Variants in WWP2 observed in about 807,000 individuals in gnomAD.
WWP2 encodes WW domain containing E3 ubiquitin protein ligase 2, also known as NEDD4-like E3 ubiquitin-protein ligase WWP2.
A neutral mutation model predicts 121.0 loss-of-function variants in WWP2; 57 were observed. The observed-to-expected ratio is 0.47, with a 90% CI of 0.38 to 0.59. The LOEUF is 0.59. WWP2 is among the 20% of genes least tolerant of loss of function. The pLI is 0.00. For missense variants in WWP2, 962 were observed against 1,158.9 expected, an observed-to-expected ratio of 0.83 and a Z score of 2.47; for synonymous variants, 449 against 441.3, an observed-to-expected ratio of 1.02 and a Z score of -0.22.
chr16:69,876,740 G>T (rs986332101), intron 7 of WWP2, among the ~76,000 whole-genome samples: 2 of 152,228 alleles, frequency 1.3e-5, no homozygotes, highest in Non-Finnish European at 2.9e-5. Context: ...CATGGATGTT[G>T]TGTTAGCGGG....
intron 9 of WWP2, among the ~76,000 whole-genome samples, chr16:69,912,525 C>T (rs956131686): frequency 6.6e-6 from 1 of 151,880 alleles, no homozygotes; most frequent in Non-Finnish European, 1.5e-5. Context: ...AGATTAAATG[C>T]GGATGCTATC....
At chr16:69,863,150 C>T (rs1279212390) in intron 6 of WWP2, among the ~76,000 whole-genome samples, 1 of 152,182 alleles carries the variant, frequency 6.6e-6, no homozygotes, top group Non-Finnish European at 1.5e-5. Context: ...CATCCACATT[C>T]TTGCTGTTTT....
intron 6 of WWP2, among the ~76,000 whole-genome samples, chr16:69,856,155 C>T (rs751180681): frequency 6.6e-6 from 1 of 152,152 alleles, no homozygotes; most frequent in Non-Finnish European, 1.5e-5. Context: ...AGTAACTTAA[C>T]AACGTGAATG....
intron 6 of WWP2, among the ~76,000 whole-genome samples, chr16:69,871,142 A>C (rs568000661): frequency 6.6e-6 from 1 of 152,002 alleles, no homozygotes; most frequent in African/African-American, 2.4e-5. Flanking sequence ...AAAATGAGCC[A>C]GGCGTGGTGC....
chr16:69,869,946 G>C (rs996257290), intron 6 of WWP2, among the ~76,000 whole-genome samples: 1 of 152,080 alleles, frequency 6.6e-6, no homozygotes, highest in Non-Finnish European at 1.5e-5. Context: ...TTCTATTATA[G>C]CTCTTAATTT....
At chr16:69,818,141 T>G (rs2056530115) in intron 4 of WWP2, among the ~76,000 whole-genome samples, 1 of 152,010 alleles carries the variant, frequency 6.6e-6, no homozygotes, top group Non-Finnish European at 1.5e-5. Context: ...GGCAAAGTGA[T>G]TTCTCTTTGT....
At chr16:69,920,558 G>A (rs558248765) in intron 10 of WWP2, among the ~76,000 whole-genome samples, 1 of 152,092 alleles carries the variant, frequency 6.6e-6, no homozygotes, top group African/African-American at 2.4e-5. Flanking sequence ...TTGACTTAGA[G>A]ACAAGGACGT....
intron 6 of WWP2, among the ~76,000 whole-genome samples, chr16:69,868,331 A>G (rs1050249124): frequency 6.6e-6 from 1 of 152,078 alleles, no homozygotes; most frequent in Non-Finnish European, 1.5e-5. Context: ...TTCTGAAAGT[A>G]TTCTCTCTCC....
intron 1 of WWP2, among the ~76,000 whole-genome samples, chr16:69,785,783 C>T (rs901152932): frequency 2.6e-5 from 4 of 151,472 alleles, no homozygotes; most frequent in Non-Finnish European, 4.4e-5. Context: ...CCCACTACCA[C>T]GCCCGACAAA....
At chr16:69,907,574 C>T (rs1466517904) in intron 8 of WWP2, among the ~76,000 whole-genome samples, 1 of 152,154 alleles carries the variant, frequency 6.6e-6, no homozygotes, top group Admixed American at 6.5e-5. Flanking sequence ...TACATTTTTG[C>T]ATCCTTTATA....
intron 9 of WWP2, among the ~76,000 whole-genome samples, chr16:69,914,136 A>G (rs2058444186): frequency 6.7e-6 from 1 of 149,864 alleles, no homozygotes; most frequent in Non-Finnish European, 1.5e-5. Context: ...AGATGAGAAG[A>G]TGTGACCAAG....
chr16:69,844,377 A>G (rs1277639183), intron 6 of WWP2, among the ~76,000 whole-genome samples: 1 of 152,118 alleles, frequency 6.6e-6, no homozygotes, highest in African/African-American at 2.4e-5. Context: ...TGAGTATTTC[A>G]CTCTTTAGAG....
chr16:69,804,505 A>G (rs2056235776), intron 4 of WWP2, among the ~76,000 whole-genome samples: 1 of 152,134 alleles, frequency 6.6e-6, no homozygotes, highest in Non-Finnish European at 1.5e-5. Context: ...ACATATGTGT[A>G]TTTGGGCCTG....
Position 69,937,251 on chromosome 16 carries a change from G to T in WWP2, c.2238+13G>T, listed in dbSNP as rs1428587062. On this transcript the variant is annotated intron_variant, in intron 20 of 23. Coordinates refer to ENST00000359154, the MANE Select transcript of WWP2 (RefSeq NM_001270454.2). This position sits in a 1 kb window ranked among gnomAD's most constrained non-coding sequence, Gnocchi z 6.6. Reference sequence around the variant, plus strand: ...GAAAGAGCTGGAGGTGAGTGTCTGAGGTTGCTGGGACCCTGAGCCCCTGCC... The same window carrying T: ...GAAAGAGCTGGAGGTGAGTGTCTGATGTTGCTGGGACCCTGAGCCCCTGCC... 1 of 1,612,862 alleles carries T rather than the reference G, an allele frequency of 6.2e-7. No individual in the cohort carries two copies. The highest frequency in any genetic ancestry group is 1.7e-5 in the Admixed American group (1 of 59,908).
intron 1 of WWP2, among the ~76,000 whole-genome samples, chr16:69,776,701 G>A (rs1052232131): frequency 6.6e-6 from 1 of 152,108 alleles, no homozygotes; most frequent in African/African-American, 2.4e-5. Flanking sequence ...GGTGGTGCAT[G>A]CCTGTAATCC....
In WWP2 at chr16:69,941,048, C is replaced by T. The variant is rs2058873620; in HGVS notation, c.*1108C>T. 1 of 152,774 alleles carries T rather than the reference C, an allele frequency of 6.5e-6. No individual in the cohort carries two copies. The highest frequency in any genetic ancestry group is 1.5e-5 in the Non-Finnish European group (1 of 68,100). 9.5% of individuals were successfully genotyped at this position (152,774 alleles called of 1,614,324 possible). On this transcript the variant is annotated 3_prime_UTR_variant, in exon 24 of 24. Coordinates refer to ENST00000359154, the MANE Select transcript of WWP2 (RefSeq NM_001270454.2). Reference sequence around the variant, plus strand: ...CCCCTGTTCAGAATGGAGTGCAGCCCGCCAGCGGAAAGTGTTCATTCTGCA... The same window carrying T: ...CCCCTGTTCAGAATGGAGTGCAGCCTGCCAGCGGAAAGTGTTCATTCTGCA...
In WWP2 at chr16:69,935,161, A is replaced by G. The variant is rs1230508619; in HGVS notation, c.1843-692A>G. Among the ~76,000 whole-genome samples, 6 of 152,154 alleles carry G rather than the reference A, an allele frequency of 3.9e-5. No homozygotes were observed. The East Asian group carries it at 1.2e-3, about 29-fold the overall frequency. ...CACATGCATAGCTGGAGATGTTTCA[A>G]TTCTCCTTTCCTTCGCTTCTTCCCC... On this transcript the variant is annotated intron_variant, in intron 17 of 23. Transcript: ENST00000359154. The surrounding 1 kb of genome is among the most constrained non-coding windows in gnomAD (Gnocchi z 5.2).
In WWP2 at chr16:69,925,393, T is replaced by C; in HGVS notation, c.1180-37T>C. ...ATTGATTTTTTCACCAGTGGCTTTT[T>C]GTAACCTCTGTGTTCTGCTGTGTTT... is the stretch of plus-strand genomic sequence containing the variant. On this transcript the variant is annotated intron_variant, in intron 10 of 23. Coordinates refer to ENST00000359154, the MANE Select transcript of WWP2 (RefSeq NM_001270454.2). This position sits in a 1 kb window ranked among gnomAD's most constrained non-coding sequence, Gnocchi z 4.0. 6.3e-7 allele frequency: 1 copy of C among 1,594,782 alleles called. No homozygotes were observed. The highest frequency in any genetic ancestry group is 8.5e-7 in the Non-Finnish European group (1 of 1,172,750).
chr16:69,835,366 A>G (rs1010130770), intron 4 of WWP2, among the ~76,000 whole-genome samples: 3 of 152,200 alleles, frequency 2.0e-5, no homozygotes, highest in African/African-American at 7.2e-5. Flanking sequence ...CTTTAGTCCC[A>G]TTATGTATTA....
Sources: gnomAD v4.1 joint callset for allele counts (sites outside exome capture counted in the v4.1 genomes callset) on GRCh38, gnomAD v4.1.1 for gene constraint, Gnocchi (gnomAD v3.1) non-coding constraint, MANE v1.5 for transcripts, NCBI Gene and HGNC (gene_info 2026-07-23, HGNC 2026-07-21) for gene names.